TUSC3: variants seen among roughly 807,000 people sequenced by gnomAD.
TUSC3 encodes dolichyl-diphosphooligosaccharide--protein glycosyltransferase subunit TUSC3.
TUSC3 carries 45 observed loss-of-function variants against 44.8 expected under a neutral mutation model. The ratio of observed to expected loss-of-function variants is 1.00; its 90% CI spans 0.79 to 1.29. TUSC3 has a LOEUF of 1.29. Among genes scored for constraint, TUSC3 ranks in the 50% most tolerant of loss-of-function variants. TUSC3 has a pLI of 0.00. For synonymous variants in TUSC3, 212 were observed against 152.9 expected (o/e 1.39, Z -2.85); for missense variants, 519 against 437.9 (o/e 1.19, Z -1.65).
chr8:15,664,523 C>T (rs1807571814), intron 5 of TUSC3, among the ~76,000 whole-genome samples: 1 of 148,776 alleles, frequency 6.7e-6, no homozygotes, highest in Non-Finnish European at 1.5e-5. Flanking sequence ...ATTAACTTGG[C>T]ATGGCAGAAG....
chr8:15,742,575 G>C (rs1811240593), intron 7 of TUSC3, among the ~76,000 whole-genome samples: 1 of 152,134 alleles, frequency 6.6e-6, no homozygotes, highest in Non-Finnish European at 1.5e-5. Flanking sequence ...GCCCAATACT[G>C]TCCTTTGAGC....
chr8:15,572,186 G>T lies in TUSC3; in HGVS notation c.138+31618G>T, dbSNP rs150760730. 2.0e-3 allele frequency among the ~76,000 whole-genome samples: 307 copies of T among 152,282 alleles called. 1 individual carries two copies. Among genetic ancestry groups the T allele is most frequent in the African/African-American group, 7.1e-3 (297 of 41,570 alleles). On this transcript the variant is annotated intron_variant, in intron 1 of 10. Transcript: ENST00000503731. ...GTCTACTCTGAACATCCGTTGTTTAGTATACCCGTCTCCATCAATTATGCT... is the reference window on the plus strand; with the variant it reads ...GTCTACTCTGAACATCCGTTGTTTATTATACCCGTCTCCATCAATTATGCT...
intron 1 of TUSC3, among the ~76,000 whole-genome samples, chr8:15,470,603 A>G (rs1382926618): frequency 2.0e-5 from 3 of 152,172 alleles, no homozygotes; most frequent in African/African-American, 7.2e-5. Flanking sequence ...ATAAACCATG[A>G]AGAATAAAGT....
intron 9 of TUSC3, among the ~76,000 whole-genome samples, chr8:15,754,228 A>G (rs983071362): frequency 1.3e-5 from 2 of 152,110 alleles, no homozygotes; most frequent in Non-Finnish European, 2.9e-5. Flanking sequence ...TACTTCTGCA[A>G]AGACATTTGT....
intron 6 of TUSC3, among the ~76,000 whole-genome samples, chr8:15,694,527 G>A (rs1315906649): frequency 1.3e-5 from 2 of 151,458 alleles, no homozygotes; most frequent in Non-Finnish European, 2.9e-5. Flanking sequence ...AATTGCCAGA[G>A]TTCTTGCACT....
intron 1 of TUSC3, among the ~76,000 whole-genome samples, chr8:15,605,201 T>C (rs964598075): frequency 6.6e-6 from 1 of 151,874 alleles, no homozygotes; most frequent in African/African-American, 2.4e-5. Context: ...AAGATTAGTA[T>C]AGGAACAGCA....
intron 1 of TUSC3, among the ~76,000 whole-genome samples, chr8:15,447,033 A>G (rs1293052172): frequency 1.3e-5 from 2 of 152,100 alleles, no homozygotes; most frequent in African/African-American, 4.8e-5. Context: ...TAACTTCAAT[A>G]CTGTTTCCCA....
chr8:15,703,535 T>G (rs1425270267), intron 6 of TUSC3, among the ~76,000 whole-genome samples: 1 of 152,054 alleles, frequency 6.6e-6, no homozygotes, highest in Non-Finnish European at 1.5e-5. Flanking sequence ...TGAGACTAGG[T>G]GATTTATAAA....
At chr8:15,825,114 C>A in the TUSC3 span, among the ~76,000 whole-genome samples, 2 of 152,106 alleles carry the variant, frequency 1.3e-5, no homozygotes, top group East Asian at 1.9e-4. Context: ...ATATTTACTG[C>A]CAGAAATTAT....
intron 5 of TUSC3, among the ~76,000 whole-genome samples, chr8:15,672,419 C>G (rs1024723643): frequency 2.0e-5 from 3 of 151,598 alleles, no homozygotes; most frequent in African/African-American, 4.9e-5. Context: ...ACTTAAAACC[C>G]TTGCAGTTTA....
chr8:15,600,309 T>G (rs1354547182), intron 1 of TUSC3, among the ~76,000 whole-genome samples: 1 of 151,722 alleles, frequency 6.6e-6, no homozygotes, highest in Non-Finnish European at 1.5e-5. Context: ...TAATGGCAAT[T>G]AAGAAAAATG....
At chr8:15,821,972 G>C in the TUSC3 span, among the ~76,000 whole-genome samples, 1 of 152,210 alleles carries the variant, frequency 6.6e-6, no homozygotes. Context: ...ACATCTCCAG[G>C]TAAAAGATGA....
intron 6 of TUSC3, among the ~76,000 whole-genome samples, chr8:15,686,831 G>A (rs1260345782): frequency 4.6e-5 from 7 of 151,916 alleles, no homozygotes. Flanking sequence ...CACTTTAGGA[G>A]GCCGAGTTTG....
At chr8:15,789,411 T>G in the TUSC3 span, among the ~76,000 whole-genome samples, 2 of 152,184 alleles carry the variant, frequency 1.3e-5, no homozygotes, top group Admixed American at 1.3e-4. Context: ...CTTTGGAACA[T>G]TATTTTTGTT....
chr8:15,611,248 G>A (rs1228889831), intron 1 of TUSC3, among the ~76,000 whole-genome samples: 3 of 152,120 alleles, frequency 2.0e-5, no homozygotes, highest in African/African-American at 4.8e-5. Context: ...GGGCAATGGC[G>A]TGATCTCGGC....
chr8:15,670,734 A>G (rs1158368654), intron 5 of TUSC3, among the ~76,000 whole-genome samples: 1 of 151,864 alleles, frequency 6.6e-6, no homozygotes, highest in Non-Finnish European at 1.5e-5. Flanking sequence ...AAACACCATT[A>G]ATAAAATGAA....
At chr8:15,838,239 T>C in the TUSC3 span, among the ~76,000 whole-genome samples, 1 of 152,322 alleles carries the variant, frequency 6.6e-6, no homozygotes, top group East Asian at 1.9e-4. Context: ...CATTTACCTT[T>C]GAGACTTATA....
the TUSC3 span, among the ~76,000 whole-genome samples, chr8:15,772,032 T>G: frequency 6.6e-6 from 1 of 152,044 alleles, no homozygotes; most frequent in African/African-American, 2.4e-5. Flanking sequence ...GAGCTTGCAG[T>G]GAGCCAGGAT....
At chr8:15,730,869 T>A in intron 7 of TUSC3, 140 bp downstream of exon 7, 1 of 730,180 alleles carries the variant, frequency 1.4e-6, no homozygotes, top group Non-Finnish European at 2.3e-6. Flanking sequence ...TAATTTTTAT[T>A]TTTTATGCTA....
Sources: gnomAD v4.1 joint callset for allele counts (sites outside exome capture counted in the v4.1 genomes callset) on GRCh38, gnomAD v4.1.1 for gene constraint, MANE v1.5 for transcripts, NCBI Gene and HGNC (gene_info 2026-07-23, HGNC 2026-07-21) for gene names.